Variants in TUBA4B observed in about 807,000 individuals in gnomAD.
The protein encoded by TUBA4B is tubulin-like protein alpha-4B.
In TUBA4B, 13 loss-of-function variants were observed where a neutral mutation model predicts 18.4. The ratio of observed to expected loss-of-function variants is 0.71; its 90% CI spans 0.46 to 1.12. The LOEUF (loss-of-function observed/expected upper bound fraction) is 1.12, where lower values mean the gene tolerates loss of function less well. TUBA4B is among the 50% of genes most tolerant of loss of function. The pLI, the probability that TUBA4B is intolerant of heterozygous loss-of-function variation, is 0.00. For missense variants in TUBA4B, 244 were observed against 250.0 expected (o/e 0.98, Z 0.16); for synonymous variants, 101 against 99.1 (o/e 1.02, Z -0.11).
chr2:219,262,602 C>T lies in TUBA4B; in HGVS notation c.13-3919C>T, dbSNP rs116850736. On this transcript the variant is annotated intron_variant, in intron 1 of 3. Transcript: ENST00000490341. The stretch of plus-strand genomic sequence containing the variant: ...GGCTCACTGCAACCTTGACCTCCTG[C>T]GCTCAAGTGAGCCTCCCTCCTCAGC... Among the ~76,000 whole-genome samples, 42 of 152,234 alleles carry T rather than the reference C, an allele frequency of 2.8e-4. No homozygotes were observed. In the South Asian group the frequency reaches 4.8e-3, roughly 17 times the overall value.
At chr2:219,269,386 C>T (rs928654949) in intron 2 of TUBA4B, among the ~76,000 whole-genome samples, 1 of 152,168 alleles carries the variant, frequency 6.6e-6, no homozygotes, top group African/African-American at 2.4e-5. Flanking sequence ...AGTCTATAAT[C>T]TCAGGACTGC....
chr2:219,257,912 A>T (rs1951732308), intron 1 of TUBA4B, among the ~76,000 whole-genome samples: 1 of 151,356 alleles, frequency 6.6e-6, no homozygotes. Flanking sequence ...TCCTAGCCAT[A>T]AGCTCTTCTC....
rs751752112 is a variant in TUBA4B, at chr2:219,271,663, A to C, written c.690A>C (p.Leu230Phe). The C allele has an allele frequency of 6.2e-7, 1 of 1,613,764 alleles. No homozygotes were observed. Among genetic ancestry groups the C allele is most frequent in the East Asian group, 2.2e-5 (1 of 44,882 alleles). Residue 230 changes from leucine to phenylalanine, a missense_variant, in exon 4 of 4, where the codon TTA becomes TTC. Physicochemically the swap from Leu to Phe is conservative, Grantham distance 22 (BLOSUM62 0). Coordinates refer to ENST00000490341, the MANE Select transcript of TUBA4B (RefSeq NM_001355221.1). ...YTTSSCWWQR[L>F]PMPALSLPTR... ...CGAGCAGCTGTTGGTGGCAGAGATT[A>C]CCAATGCCTGCTTTGAGCCTGCCAA...
intron 1 of TUBA4B, among the ~76,000 whole-genome samples, chr2:219,265,359 A>G (rs1951783762): frequency 6.6e-6 from 1 of 152,192 alleles, no homozygotes; most frequent in Admixed American, 6.5e-5. Flanking sequence ...AAAGCAGACT[A>G]GGCGCAGGGG....
intron 2 of TUBA4B, among the ~76,000 whole-genome samples, chr2:219,269,775 C>T (rs770567120): frequency 1.1e-4 from 17 of 152,098 alleles, no homozygotes; most frequent in Non-Finnish European, 1.9e-4. Flanking sequence ...TCCTTCAACA[C>T]CTTTTTTAGT....
chr2:219,258,605 C>T (rs1211976898), intron 1 of TUBA4B, among the ~76,000 whole-genome samples: 1 of 152,082 alleles, frequency 6.6e-6, no homozygotes, highest in Non-Finnish European at 1.5e-5. Context: ...GCTGGGATTA[C>T]AGGCATGATT....
intron 1 of TUBA4B, among the ~76,000 whole-genome samples, chr2:219,262,029 T>C (rs1319022413): frequency 1.3e-5 from 2 of 152,234 alleles, no homozygotes; most frequent in Non-Finnish European, 2.9e-5. Flanking sequence ...TGTCACCTTC[T>C]GGCCGGGTGT....
chr2:219,271,576 C>T lies in TUBA4B; in HGVS notation c.603C>T (p.Tyr201=), dbSNP rs752943263. The T allele has an allele frequency of 6.2e-7, 1 of 1,614,094 alleles. No homozygotes were observed. Among genetic ancestry groups the T allele is most frequent in the South Asian group, 1.1e-5 (1 of 91,082 alleles). ...LTEFQTNLVS[Y]LTSTSPWPPM... The stretch of plus-strand genomic sequence containing the variant: ...AGTTCCAGACCAACCTGGTGTCCTA[C>T]CTCACATCCACTTCCCCCTGGCCAC... Residue 201 remains tyrosine, a synonymous_variant, in exon 4 of 4, where the codon TAC becomes TAT. Coordinates refer to ENST00000490341, the MANE Select transcript of TUBA4B (RefSeq NM_001355221.1).
chr2:219,253,354 CG>C lies in TUBA4B; in HGVS notation c.-44del, dbSNP rs60456844. ...AGCTCAGACGCGGGGTGCTGAGTCA[CG>C]GGGGGGGGGTGGTTCTGTGGATAGT... On this transcript the variant is annotated 5_prime_UTR_variant, in exon 1 of 4. Transcript: ENST00000490341. The C allele has an allele frequency of 0.045, 42,736 of 948,088 alleles. 438 individuals are homozygous for C. The highest frequency in any genetic ancestry group is 0.14 in the African/African-American group (8,301 of 61,266). The allele number at this position is 948,088 out of a possible 1,614,324, so 58.7% of individuals were successfully genotyped here.
chr2:219,264,660 C>T (rs747721594), intron 1 of TUBA4B, among the ~76,000 whole-genome samples: 15 of 152,186 alleles, frequency 9.9e-5, no homozygotes, highest in South Asian at 4.1e-4. Context: ...AGTGTGGATA[C>T]GCTGCACACA....
chr2:219,257,641 CAAAAAAAAAAAAAA>C (rs1158116997), intron 1 of TUBA4B, among the ~76,000 whole-genome samples: 2 of 41,488 alleles, frequency 4.8e-5, no homozygotes, highest in African/African-American at 1.7e-4. Context: ...GACACTGTCT[CAAAAAAAAAAAAAA>C]AAAAAAAAAA....
chr2:219,256,789 A>G (rs1005602610), intron 1 of TUBA4B, among the ~76,000 whole-genome samples: 1 of 152,104 alleles, frequency 6.6e-6, no homozygotes, highest in East Asian at 1.9e-4. Flanking sequence ...GCAGTTTGAG[A>G]CCAGCTTGGG....
At chr2:219,266,679 TGTGGCGAG>T (rs1434595768) in intron 2 of TUBA4B, 113 bp downstream of exon 2, 5 of 647,048 alleles carry the variant, frequency 7.7e-6, no homozygotes, top group Non-Finnish European at 1.4e-5. Flanking sequence ...GGCTACAGTA[TGTGGCGAG>T]GTGGGGAGAG....
intron 1 of TUBA4B, 36 bp downstream of exon 1, chr2:219,253,455 C>T: frequency 2.1e-6 from 3 of 1,454,792 alleles, no homozygotes; most frequent in Non-Finnish European, 1.9e-6. Flanking sequence ...GCGCCAAGCA[C>T]GTGCTCGGTC....
At chr2:219,257,685 C>T (rs1341336903) in intron 1 of TUBA4B, among the ~76,000 whole-genome samples, 1 of 135,836 alleles carries the variant, frequency 7.4e-6, no homozygotes, top group Non-Finnish European at 1.5e-5. Context: ...AAGACAGGAT[C>T]TTGCTCTCTT....
In TUBA4B at chr2:219,268,105, C is replaced by CTTTT. The variant is rs544596055; in HGVS notation, c.58+1557_58+1560dup. Among the ~76,000 whole-genome samples the CTTTT allele has an allele frequency of 3.0e-4, 36 of 118,718 alleles. 2 individuals are homozygous for CTTTT. Among genetic ancestry groups the CTTTT allele is most frequent in the East Asian group, 2.5e-3 (9 of 3,580 alleles). 77.9% of individuals were successfully genotyped at this position (118,718 alleles called of 152,430 possible). A position where few individuals can be genotyped will look rare whatever the true frequency, so the allele number is the denominator to read the frequency against. On this transcript the variant is annotated intron_variant, in intron 2 of 3. Coordinates refer to ENST00000490341, the MANE Select transcript of TUBA4B (RefSeq NM_001355221.1). ...TTGAGGTCTCAGCTCAACTCATTAT[C>CTTTT]TTTTTTTTTTTTTTTTTTTTTGAGA...
Position 219,266,549 on chromosome 2 carries a change from C to T in TUBA4B, c.41C>T (p.Pro14Leu), listed in dbSNP as rs899040234. Residue 14 changes from proline (P) to leucine (L), a missense_variant, in exon 2 of 4, where the codon CCC becomes CTC. Pro to Leu is a moderately conservative substitution (Grantham distance 98, BLOSUM62 -3). Transcript: ENST00000490341. ...QQTERQDPSQ[P>L]LSRQHGTYRQ... ...ACAGAGAGACAAGACCCCAGCCAGC[C>T]CCTGTCCAGGCAGCATGGTGAGTAG... 1.6e-5 allele frequency: 11 copies of T among 702,880 alleles called. No homozygotes were observed. Among genetic ancestry groups the T allele is most frequent in the Non-Finnish European group, 2.1e-5 (8 of 384,986 alleles). The allele number at this position is 702,880 out of a possible 1,614,324, so 43.5% of individuals were successfully genotyped here.
chr2:219,258,740 TACG>T (rs896632147), intron 1 of TUBA4B, among the ~76,000 whole-genome samples: 16 of 152,240 alleles, frequency 1.1e-4, no homozygotes, highest in African/African-American at 3.4e-4. Flanking sequence ...AGGAAAATAA[TACG>T]ACAACAATAG....
intron 2 of TUBA4B, 81 bp downstream of exon 2, chr2:219,266,647 T>C: frequency 1.4e-6 from 1 of 691,572 alleles, no homozygotes. Context: ...TGAAGGTACC[T>C]TGGGAGTCCA....
Sources: gnomAD v4.1 joint callset for allele counts (sites outside exome capture counted in the v4.1 genomes callset) on GRCh38, gnomAD v4.1.1 for gene constraint, MANE v1.5 for transcripts, NCBI Gene and HGNC (gene_info 2026-07-23, HGNC 2026-07-21) for gene names.